NRDC: variants seen among roughly 807,000 people sequenced by gnomAD.
NRDC encodes the protein nardilysin convertase, also known as nardilysin.
Under a neutral mutation model 147.1 loss-of-function variants are expected in NRDC, and 54 were observed. The ratio of observed to expected loss-of-function variants is 0.37; its 90% confidence interval spans 0.29 to 0.46. NRDC has a LOEUF of 0.46. Ranked by LOEUF, NRDC falls within the 20% of genes least tolerant of loss-of-function variation. NRDC has a pLI of 1.00. For missense variants in NRDC, 1,082 were observed against 1,370.6 expected (o/e 0.79, Z 3.33); for synonymous variants, 440 against 482.1 (o/e 0.91, Z 1.14).
chr1:51,812,169 T>C (rs1679753791), intron 14 of NRDC, 71 bp from the exon 15 acceptor site: 3 of 1,060,242 alleles, frequency 2.8e-6, no homozygotes, highest in Admixed American at 3.6e-5. Flanking sequence ...AACATACAAA[T>C]ACTTTCTCCC....
chr1:51,844,113 C>T (rs12737123), intron 1 of NRDC, among the ~76,000 whole-genome samples: 6,858 of 152,096 alleles, frequency 0.045, 191 homozygotes, highest in Middle Eastern at 0.065. Flanking sequence ...TCCATTCTAA[C>T]CTCAATACCC....
intron 1 of NRDC, among the ~76,000 whole-genome samples, chr1:51,852,229 T>A (rs1681986847): frequency 6.6e-6 from 1 of 152,058 alleles, no homozygotes. Context: ...TCATGTGTCC[T>A]TGTTGAAGTC....
At chr1:51,830,661 T>C (rs1280899425) in intron 4 of NRDC, among the ~76,000 whole-genome samples, 2 of 152,210 alleles carry the variant, frequency 1.3e-5, no homozygotes, top group Non-Finnish European at 2.9e-5. Context: ...CCGCTTATAA[T>C]GGGGAGGGTC....
intron 17 of NRDC, among the ~76,000 whole-genome samples, chr1:51,808,483 T>C (rs551127239): frequency 4.6e-5 from 7 of 152,356 alleles, no homozygotes; most frequent in African/African-American, 1.4e-4. Context: ...TTTTTATGAG[T>C]AATATTGTAA....
chr1:51,798,279 C>T lies in NRDC; in HGVS notation c.2574G>A (p.Glu858=), dbSNP rs1275268232. ...VKEFKSQLFV[E]GLVQGNVTST... Reference sequence around the variant, plus strand: ...TTGTGACATTCCCTTGTACCAGGCCCTCCACAAAGAGCTGGGATTTGAATT... The same window carrying T: ...TTGTGACATTCCCTTGTACCAGGCCTTCCACAAAGAGCTGGGATTTGAATT... Residue 858 remains glutamate, a synonymous_variant, in exon 22 of 31, where the codon GAG becomes GAA. Transcript: ENST00000352171. The T allele has an allele frequency of 1.9e-6, 3 of 1,614,144 alleles. No homozygotes were observed. In the African/African-American group the frequency reaches 4.0e-5, roughly 22 times the overall value.
intron 19 of NRDC, 79 bp from the exon 20 acceptor site, chr1:51,804,043 A>G (rs1317769565): frequency 8.0e-6 from 10 of 1,254,510 alleles, no homozygotes; most frequent in Non-Finnish European, 1.1e-5. Flanking sequence ...ATTTAGAGTA[A>G]GCAGCTTCAT....
At chr1:51,859,139 G>A (rs1281755942) in intron 1 of NRDC, among the ~76,000 whole-genome samples, 1 of 152,138 alleles carries the variant, frequency 6.6e-6, no homozygotes, top group Non-Finnish European at 1.5e-5. Flanking sequence ...CAACTCCTTA[G>A]GGCAATGAAA....
chr1:51,795,203 T>C (rs573427281), intron 22 of NRDC: 1,047 of 1,325,422 alleles, frequency 7.9e-4, no homozygotes, highest in Non-Finnish European at 9.6e-4. Flanking sequence ...CCCATTGACA[T>C]AGAACCTGGA....
At chr1:51,839,053 T>C (rs932765820) in intron 2 of NRDC, among the ~76,000 whole-genome samples, 1 of 152,176 alleles carries the variant, frequency 6.6e-6, no homozygotes, top group African/African-American at 2.4e-5. Context: ...GGTACAATCT[T>C]TCTTTTTAAA....
chr1:51,807,219 A>T (rs1370941072), intron 17 of NRDC, among the ~76,000 whole-genome samples: 2 of 152,210 alleles, frequency 1.3e-5, no homozygotes, highest in Non-Finnish European at 2.9e-5. Flanking sequence ...AGTTTCATAA[A>T]CCAATTTATT....
At chr1:51,803,693 T>C in intron 20 of NRDC, 121 bp downstream of exon 20, 1 of 721,166 alleles carries the variant, frequency 1.4e-6, no homozygotes, top group South Asian at 2.4e-5. Context: ...CAGCCAAGAA[T>C]ATTCAAGATA....
chr1:51,860,736 G>C (rs1682489100), intron 1 of NRDC, among the ~76,000 whole-genome samples: 1 of 152,316 alleles, frequency 6.6e-6, no homozygotes, highest in African/African-American at 2.4e-5. Flanking sequence ...ATAAGGAACA[G>C]AGAAGTGCTA....
intron 1 of NRDC, among the ~76,000 whole-genome samples, chr1:51,845,887 G>A (rs536469170): frequency 2.5e-4 from 38 of 151,998 alleles, no homozygotes; most frequent in African/African-American, 8.7e-4. Flanking sequence ...ACGCCTGGAG[G>A]GGACCTGATA....
intron 1 of NRDC, among the ~76,000 whole-genome samples, chr1:51,845,090 G>C (rs1201555714): frequency 1.3e-5 from 2 of 152,022 alleles, no homozygotes; most frequent in Non-Finnish European, 2.9e-5. Context: ...ACATAATCTC[G>C]TTCTCATTTA....
intron 22 of NRDC, among the ~76,000 whole-genome samples, chr1:51,795,899 A>C (rs1020813172): frequency 2.6e-5 from 4 of 152,056 alleles, no homozygotes; most frequent in Admixed American, 6.6e-5. Flanking sequence ...ACAAAAAAAA[A>C]CACCAGGGTC....
chr1:51,791,662 C>T lies in NRDC; in HGVS notation c.2877-1G>A. Reference sequence around the variant, plus strand: ...CCTACAGGTAGGGTAGACATGGTACCTACAAGCCAGAGAGAAAAGTTATAT... The same window carrying T: ...CCTACAGGTAGGGTAGACATGGTACTTACAAGCCAGAGAGAAAAGTTATAT... On this transcript the variant is annotated splice_acceptor_variant, in intron 26 of 30. Coordinates refer to ENST00000352171, the MANE Select transcript of NRDC (RefSeq NM_001101662.2). LOFTEE classifies it high-confidence loss of function. 1 of 1,612,560 alleles carries T rather than the reference C, an allele frequency of 6.2e-7. No individual in the cohort carries two copies. Among genetic ancestry groups the T allele is most frequent in the Non-Finnish European group, 8.5e-7 (1 of 1,178,608 alleles).
intron 1 of NRDC, among the ~76,000 whole-genome samples, chr1:51,857,399 C>A (rs1395774944): frequency 6.6e-6 from 1 of 152,186 alleles, no homozygotes; most frequent in African/African-American, 2.4e-5. Context: ...CCTCTCTGAA[C>A]CTATTCTGGT....
chr1:51,878,158 G>C, intron 1 of NRDC, 117 bp downstream of exon 1: 2 of 1,425,802 alleles, frequency 1.4e-6, no homozygotes, highest in Non-Finnish European at 1.9e-6. Flanking sequence ...GGAAGCATTT[G>C]GGGTGGAAAG....
intron 2 of NRDC, 171 bp from the exon 3 acceptor site, chr1:51,836,383 T>C (rs1229807901): frequency 6.2e-7 from 1 of 1,613,664 alleles, no homozygotes; most frequent in African/African-American, 1.3e-5. Flanking sequence ...ACTGTGTCAG[T>C]TTCACCCTGC....
Sources: gnomAD v4.1 joint callset for allele counts (sites outside exome capture counted in the v4.1 genomes callset) on GRCh38, gnomAD v4.1.1 for gene constraint, MANE v1.5 for transcripts, NCBI Gene and HGNC (gene_info 2026-07-23, HGNC 2026-07-21) for gene names.